The following HTRA1 variants were observed in gnomAD, a reference collection of about 807,000 sequenced individuals.
The protein encoded by HTRA1 is serine protease HTRA1.
In HTRA1, 26 loss-of-function variants were observed where a neutral mutation model predicts 49.7. That is an observed-to-expected ratio of 0.52 (90% CI 0.38 to 0.73). The LOEUF (loss-of-function observed/expected upper bound fraction) is 0.73, where lower values mean the gene tolerates loss of function less well. Ranked by LOEUF, HTRA1 falls within the 30% of genes least tolerant of loss-of-function variation. The pLI, the probability that HTRA1 is intolerant of heterozygous loss-of-function variation, is 0.00. For missense variants in HTRA1, 561 were observed against 667.2 expected, an observed-to-expected ratio of 0.84 and a Z score of 1.75; for synonymous variants, 291 against 286.9, an observed-to-expected ratio of 1.01 and a Z score of -0.14.
intron 1 of HTRA1, among the ~76,000 whole-genome samples, chr10:122,476,338 C>T (rs1231302930): frequency 6.6e-6 from 1 of 152,194 alleles, no homozygotes; most frequent in African/African-American, 2.4e-5. Context: ...AAGAGTCATC[C>T]TTGGCCTCCC....
At chr10:122,462,384 G>A (rs536685054) in intron 1 of HTRA1, among the ~76,000 whole-genome samples, 1 of 152,374 alleles carries the variant, frequency 6.6e-6, no homozygotes, top group Non-Finnish European at 1.5e-5. Context: ...TCGAGACGCC[G>A]GGCGACCGGC....
intron 1 of HTRA1, among the ~76,000 whole-genome samples, chr10:122,486,687 T>G (rs1385155467): frequency 7.2e-5 from 11 of 152,168 alleles, no homozygotes; most frequent in Non-Finnish European, 1.3e-4. Context: ...TCACAGCTTT[T>G]ACTTATAGCC....
chr10:122,507,265 T>C (rs770347880), intron 4 of HTRA1, 105 bp from the exon 5 acceptor site: 15 of 882,336 alleles, frequency 1.7e-5, no homozygotes, highest in Non-Finnish European at 2.9e-5. Context: ...AGAAGAATCG[T>C]GCCCCCCACT....
At chr10:122,473,769 C>T (rs923140024) in intron 1 of HTRA1, among the ~76,000 whole-genome samples, 1 of 152,148 alleles carries the variant, frequency 6.6e-6, no homozygotes. Context: ...AGGAAACCAC[C>T]GGTTCATTTT....
At chr10:122,473,772 T>A (rs2097487222) in intron 1 of HTRA1, among the ~76,000 whole-genome samples, 2 of 152,170 alleles carry the variant, frequency 1.3e-5, no homozygotes, top group African/African-American at 2.4e-5. Context: ...AAACCACCGG[T>A]TCATTTTCTA....
chr10:122,467,496 A>T (rs1454771718), intron 1 of HTRA1, among the ~76,000 whole-genome samples: 1 of 152,170 alleles, frequency 6.6e-6, no homozygotes, highest in Admixed American at 6.5e-5. Context: ...AGGCTTCCTT[A>T]TGAGCTACTT....
intron 1 of HTRA1, among the ~76,000 whole-genome samples, chr10:122,479,376 G>A (rs891465462): frequency 1.3e-5 from 2 of 152,162 alleles, no homozygotes; most frequent in African/African-American, 4.8e-5. Flanking sequence ...GAGGCTTAGG[G>A]CAACATGATT....
intron 3 of HTRA1, among the ~76,000 whole-genome samples, chr10:122,495,029 G>A (rs1352298144): frequency 2.0e-5 from 3 of 151,914 alleles, no homozygotes; most frequent in African/African-American, 7.3e-5. Context: ...CATGACTCAC[G>A]CCGGTTCTCC....
intron 1 of HTRA1, among the ~76,000 whole-genome samples, chr10:122,481,590 G>T (rs1012477549): frequency 6.6e-6 from 1 of 152,194 alleles, no homozygotes; most frequent in Non-Finnish European, 1.5e-5. Flanking sequence ...AGGGATTCAG[G>T]CCCAACCACT....
chr10:122,488,563 A>G (rs1052077256), intron 1 of HTRA1, among the ~76,000 whole-genome samples: 1 of 152,152 alleles, frequency 6.6e-6, no homozygotes, highest in Admixed American at 6.5e-5. Context: ...CTCCATCTAA[A>G]AATAAACTGA....
chr10:122,513,829 A>T (rs1320133855), intron 8 of HTRA1, among the ~76,000 whole-genome samples: 1 of 151,758 alleles, frequency 6.6e-6, no homozygotes, highest in Non-Finnish European at 1.5e-5. Context: ...CCTGGGTTCA[A>T]GTGAATCTCT....
In HTRA1 at chr10:122,464,827, G is replaced by A. The variant is rs1185254059; in HGVS notation, c.472+2703G>A. On this transcript the variant is annotated intron_variant, in intron 1 of 8. Coordinates refer to ENST00000368984, the MANE Select transcript of HTRA1 (RefSeq NM_002775.5). The surrounding 1 kb of genome is among the most constrained non-coding windows in gnomAD (Gnocchi z 4.8). The stretch of plus-strand genomic sequence containing the variant: ...TGCCTGCTCTGGCTGGAAGATTGGC[G>A]GGAGAGTCACTTTAGCTGCCATGGA... Among the ~76,000 whole-genome samples, 4 of 152,202 alleles carry A rather than the reference G, an allele frequency of 2.6e-5. No homozygotes were observed. Among genetic ancestry groups the A allele is most frequent in the African/African-American group, 2.4e-5 (1 of 41,448 alleles).
Position 122,461,681 on chromosome 10 carries a change from CGCTGCT to C in HTRA1, c.43_48del (p.Leu15_Leu16del), listed in dbSNP as rs746547640. ...CAGATCCCGCGCGCCGCTCTTCTCCCGCTGCTGCTGCTGCTGCTGGCGGCGCCCGCC... is the reference window on the plus strand; with the variant it reads ...CAGATCCCGCGCGCCGCTCTTCTCCCGCTGCTGCTGCTGGCGGCGCCCGCC... On this transcript the variant is annotated inframe_deletion, in exon 1 of 9. Coordinates refer to ENST00000368984, the MANE Select transcript of HTRA1 (RefSeq NM_002775.5). 34 of 1,306,726 alleles carry C rather than the reference CGCTGCT, an allele frequency of 2.6e-5. No individual in the cohort carries two copies. The highest frequency in any genetic ancestry group is 1.9e-4 in the East Asian group (4 of 21,280). The allele number at this position is 1,306,726 out of a possible 1,614,324, so 80.9% of individuals were successfully genotyped here. A position where few individuals can be genotyped will look rare whatever the true frequency, so the allele number is the denominator to read the frequency against.
Position 122,464,859 on chromosome 10 carries a change from C to G in HTRA1, c.472+2735C>G, listed in dbSNP as rs1441173659. 6.6e-6 allele frequency among the ~76,000 whole-genome samples: 1 copy of G among 152,150 alleles called. No homozygotes were observed. The highest frequency in any genetic ancestry group is 1.5e-5 in the Non-Finnish European group (1 of 68,040). ...TCACTTTAGCTGCCATGGACATGAG[C>G]CTTTTCTAGGGGTGCCACTTGACTA... On this transcript the variant is annotated intron_variant, in intron 1 of 8. Coordinates refer to ENST00000368984, the MANE Select transcript of HTRA1 (RefSeq NM_002775.5). This position sits in a 1 kb window ranked among gnomAD's most constrained non-coding sequence, Gnocchi z 4.8.
chr10:122,488,879 C>G, intron 1 of HTRA1, 23 bp from the exon 2 acceptor site: 1 of 1,578,404 alleles, frequency 6.3e-7, no homozygotes, highest in Non-Finnish European at 8.7e-7. Flanking sequence ...CATTAAGTAT[C>G]TATTCTTTGC....
intron 1 of HTRA1, among the ~76,000 whole-genome samples, chr10:122,483,450 T>A (rs1363158515): frequency 6.6e-6 from 1 of 152,236 alleles, no homozygotes; most frequent in Non-Finnish European, 1.5e-5. Context: ...TTGTTGTAAC[T>A]TACCATTTTA....
At chr10:122,477,021 G>A (rs1018986310) in intron 1 of HTRA1, among the ~76,000 whole-genome samples, 1 of 144,812 alleles carries the variant, frequency 6.9e-6, no homozygotes, top group African/African-American at 2.6e-5. Flanking sequence ...AGGCTGGAGT[G>A]CACTGGCGCA....
At chr10:122,504,134 G>A (rs1273499222) in intron 3 of HTRA1, among the ~76,000 whole-genome samples, 1 of 152,182 alleles carries the variant, frequency 6.6e-6, no homozygotes. Context: ...AGCATGGGGA[G>A]TAGCGCCTAT....
At chr10:122,470,782 C>T (rs2097485775) in intron 1 of HTRA1, among the ~76,000 whole-genome samples, 1 of 152,056 alleles carries the variant, frequency 6.6e-6, no homozygotes, top group Non-Finnish European at 1.5e-5. Context: ...CCAGACTCTT[C>T]CAGGACTCCT....
Sources: gnomAD v4.1 joint callset for allele counts (sites outside exome capture counted in the v4.1 genomes callset) on GRCh38, gnomAD v4.1.1 for gene constraint, Gnocchi (gnomAD v3.1) non-coding constraint, MANE v1.5 for transcripts, NCBI Gene and HGNC (gene_info 2026-07-23, HGNC 2026-07-21) for gene names.